The following PCSK6 variants were observed in gnomAD, a reference collection of about 807,000 sequenced individuals.
PCSK6 encodes proprotein convertase subtilisin/kexin type 6, also known as paired basic amino acid cleaving enzyme 4.
In PCSK6, 85 loss-of-function variants were observed where a neutral mutation model predicts 123.3. That is an observed-to-expected ratio of 0.69 (90% CI 0.58 to 0.83). PCSK6 has a LOEUF of 0.83. PCSK6 is among the 40% of genes least tolerant of loss of function. The pLI, the probability that PCSK6 is intolerant of heterozygous loss-of-function variation, is 0.00. For missense variants in PCSK6, 1,191 were observed against 1,282.3 expected (o/e 0.93, Z 1.09); for synonymous variants, 508 against 516.0 (o/e 0.98, Z 0.21).
chr15:101,382,056 G>A (rs893085696), intron 11 of PCSK6, 36 bp downstream of exon 11: 4 of 1,438,476 alleles, frequency 2.8e-6, no homozygotes, highest in South Asian at 2.4e-5. Context: ...AAACCCACGT[G>A]CCTGAGAAGT....
At chr15:101,308,277 G>A (rs1567133826) in intron 20 of PCSK6, 1 of 152,384 alleles carries the variant, frequency 6.6e-6, no homozygotes. Context: ...AGTTAAGGGT[G>A]GAACAGGCCC....
intron 1 of PCSK6, among the ~76,000 whole-genome samples, chr15:101,457,063 C>T (rs1025460333): frequency 3.9e-5 from 6 of 152,148 alleles, no homozygotes; most frequent in African/African-American, 1.4e-4. Context: ...ATCCCAGCTA[C>T]TTGGGAGGCT....
chr15:101,324,681 G>A (rs531337056), intron 17 of PCSK6, among the ~76,000 whole-genome samples, 169 bp downstream of exon 17: 1 of 152,304 alleles, frequency 6.6e-6, no homozygotes, highest in Admixed American at 6.5e-5. Flanking sequence ...TAACAGGTCT[G>A]GGTGCTTTGA....
chr15:101,360,453 C>T (rs2041178561), intron 13 of PCSK6, among the ~76,000 whole-genome samples: 1 of 152,092 alleles, frequency 6.6e-6, no homozygotes, highest in Non-Finnish European at 1.5e-5. Flanking sequence ...CCTCGGGGGC[C>T]TCTCTGCTGT....
At chr15:101,415,133 A>C (rs996893480) in intron 6 of PCSK6, among the ~76,000 whole-genome samples, 2 of 152,284 alleles carry the variant, frequency 1.3e-5, no homozygotes, top group African/African-American at 4.8e-5. Flanking sequence ...AAACGGAAAG[A>C]AACTGACACA....
intron 13 of PCSK6, among the ~76,000 whole-genome samples, chr15:101,365,339 T>C (rs777069904): frequency 4.6e-5 from 7 of 152,266 alleles, no homozygotes; most frequent in Non-Finnish European, 8.8e-5. Flanking sequence ...CATCAGGCAA[T>C]TGAAGAACCA....
intron 13 of PCSK6, among the ~76,000 whole-genome samples, chr15:101,353,577 G>C (rs543127686): frequency 2.0e-5 from 3 of 152,290 alleles, no homozygotes; most frequent in African/African-American, 7.2e-5. Flanking sequence ...TCAACACCCC[G>C]ACCCTGGCTG....
intron 11 of PCSK6, among the ~76,000 whole-genome samples, chr15:101,373,444 C>T (rs2934992): frequency 3.9e-5 from 6 of 152,312 alleles, no homozygotes; most frequent in South Asian, 2.1e-4. Context: ...TGGGGCAGCG[C>T]GGGAGCCCAG....
At chr15:101,327,393 G>A (rs1039653742) in intron 15 of PCSK6, among the ~76,000 whole-genome samples, 1 of 152,162 alleles carries the variant, frequency 6.6e-6, no homozygotes, top group Non-Finnish European at 1.5e-5. Context: ...TCCTCCCCAC[G>A]CTGGTCGGCA....
chr15:101,388,151 A>G (rs575417694), intron 9 of PCSK6, among the ~76,000 whole-genome samples: 1 of 152,342 alleles, frequency 6.6e-6, no homozygotes, highest in East Asian at 1.9e-4. Context: ...TGCGAATGTG[A>G]GTTTCCACAC....
intron 18 of PCSK6, among the ~76,000 whole-genome samples, chr15:101,321,062 G>A (rs2040110782): frequency 6.6e-6 from 1 of 152,290 alleles, no homozygotes; most frequent in South Asian, 2.1e-4. Flanking sequence ...CCAGGGAGCT[G>A]GGAACACAGA....
At chr15:101,430,715 A>G (rs981243504) in intron 4 of PCSK6, among the ~76,000 whole-genome samples, 6 of 152,234 alleles carry the variant, frequency 3.9e-5, no homozygotes, top group Non-Finnish European at 8.8e-5. Context: ...TGGATACAAT[A>G]TGGTTTACTT....
At chr15:101,323,406 T>C (rs1389668767) in intron 17 of PCSK6, among the ~76,000 whole-genome samples, 1 of 152,204 alleles carries the variant, frequency 6.6e-6, no homozygotes, top group Non-Finnish European at 1.5e-5. Context: ...GGCTGTGAAA[T>C]GTGTCTTGCA....
intron 1 of PCSK6, among the ~76,000 whole-genome samples, chr15:101,477,206 T>A (rs755362211): frequency 1.3e-5 from 2 of 152,134 alleles, no homozygotes; most frequent in Non-Finnish European, 2.9e-5. Context: ...AAGTAGACAA[T>A]CCTATTTGTA....
intron 13 of PCSK6, among the ~76,000 whole-genome samples, chr15:101,348,981 A>T (rs1303072283): frequency 6.6e-6 from 1 of 152,230 alleles, no homozygotes; most frequent in Non-Finnish European, 1.5e-5. Context: ...CTGTGCCCCG[A>T]TAGCTTATTC....
chr15:101,319,544 G>A (rs2040069170), intron 18 of PCSK6, among the ~76,000 whole-genome samples: 2 of 152,260 alleles, frequency 1.3e-5, no homozygotes, highest in African/African-American at 4.8e-5. Flanking sequence ...CTGGCTGCCA[G>A]GGAACCAACC....
At chr15:101,382,884 C>T (rs554870704) in intron 10 of PCSK6, among the ~76,000 whole-genome samples, 3 of 152,266 alleles carry the variant, frequency 2.0e-5, no homozygotes, top group East Asian at 1.9e-4. Context: ...ACCACTACCA[C>T]CGACATTCCT....
At chr15:101,475,872 C>T (rs145885292) in intron 1 of PCSK6, among the ~76,000 whole-genome samples, 83 of 152,300 alleles carry the variant, frequency 5.4e-4, no homozygotes, top group Non-Finnish European at 1.0e-3. Flanking sequence ...CCTATAAGAA[C>T]TGGCAAATAT....
intron 8 of PCSK6, among the ~76,000 whole-genome samples, chr15:101,391,480 C>A (rs1052357029): frequency 6.6e-6 from 1 of 152,222 alleles, no homozygotes; most frequent in Non-Finnish European, 1.5e-5. Flanking sequence ...AGTCCTAGTG[C>A]CACGCCTGGG....
Sources: allele counts gnomAD v4.1 joint callset (sites outside exome capture counted in the v4.1 genomes callset), GRCh38; gene constraint gnomAD v4.1.1; transcripts MANE v1.5; gene names NCBI Gene and HGNC (gene_info 2026-07-23, HGNC 2026-07-21).